Variants in RAB3GAP2 observed in about 807,000 individuals in gnomAD.
RAB3GAP2 encodes RAB3 GTPase activating non-catalytic protein subunit 2, also known as rab3 GTPase-activating protein non-catalytic subunit.
Under a neutral mutation model 185.3 loss-of-function variants are expected in RAB3GAP2, and 87 were observed. The ratio of observed to expected loss-of-function variants is 0.47; its 90% confidence interval spans 0.39 to 0.56. RAB3GAP2 has a LOEUF of 0.56. Among genes scored for constraint, RAB3GAP2 ranks in the 20% least tolerant of loss-of-function variants. RAB3GAP2 has a pLI of 0.00. For missense variants in RAB3GAP2, 1,492 were observed against 1,638.2 expected (o/e 0.91, Z 1.54); for synonymous variants, 554 against 576.1 (o/e 0.96, Z 0.55).
intron 2 of RAB3GAP2, among the ~76,000 whole-genome samples, chr1:220,230,286 A>G (rs1210574985): frequency 6.6e-6 from 1 of 152,198 alleles, no homozygotes; most frequent in African/African-American, 2.4e-5. Flanking sequence ...AAAGAAGGAG[A>G]AATAATCTAA....
chr1:220,189,886 CACATT>C, intron 16 of RAB3GAP2, 119 bp from the exon 17 acceptor site: 1 of 1,090,352 alleles, frequency 9.2e-7, no homozygotes, highest in Non-Finnish European at 1.3e-6. Flanking sequence ...TGGGTTCTCT[CACATT>C]AATGTTTTCT....
At chr1:220,199,096 G>A (rs2102873804) in intron 9 of RAB3GAP2, among the ~76,000 whole-genome samples, 1 of 152,204 alleles carries the variant, frequency 6.6e-6, no homozygotes, top group South Asian at 2.1e-4. Context: ...AGTGTCAGAG[G>A]TACCATAAGC....
At chr1:220,162,341 C>A in intron 27 of RAB3GAP2, 73 bp from the exon 28 acceptor site, 2 of 1,051,958 alleles carry the variant, frequency 1.9e-6, no homozygotes, top group South Asian at 1.3e-5. Flanking sequence ...ATTACTCTTT[C>A]TTAAGCTTAT....
chr1:220,157,620 CAA>C, intron 30 of RAB3GAP2, 132 bp from the exon 31 acceptor site: 2 of 1,083,380 alleles, frequency 1.8e-6, no homozygotes, highest in Non-Finnish European at 2.7e-6. Context: ...TAAAAAAACA[CAA>C]AGTCTAATTT....
chr1:220,248,727 C>A (rs1014817663), intron 1 of RAB3GAP2, among the ~76,000 whole-genome samples: 1 of 151,594 alleles, frequency 6.6e-6, no homozygotes, highest in African/African-American at 2.4e-5. Context: ...CCACCCAAAT[C>A]TCATCTTGAA....
chr1:220,219,249 C>T (rs576391390), intron 2 of RAB3GAP2, among the ~76,000 whole-genome samples: 1 of 152,200 alleles, frequency 6.6e-6, no homozygotes, highest in East Asian at 1.9e-4. Context: ...CTCCTTCTTA[C>T]ACATGTCATA....
chr1:220,157,765 T>C (rs750014189), intron 30 of RAB3GAP2, 37 bp downstream of exon 30: 1 of 1,498,494 alleles, frequency 6.7e-7, no homozygotes. Context: ...TGTAATATCT[T>C]AGGAGCAGTT....
chr1:220,193,145 A>G (rs1658656049), intron 13 of RAB3GAP2, 95 bp downstream of exon 13: 1 of 1,467,070 alleles, frequency 6.8e-7, no homozygotes, highest in East Asian at 2.3e-5. Context: ...AGAATTAAAC[A>G]GAGTTATCAT....
At chr1:220,215,104 C>CATATAATTTATG (rs1421495971) in intron 2 of RAB3GAP2, among the ~76,000 whole-genome samples, 1 of 151,606 alleles carries the variant, frequency 6.6e-6, no homozygotes, top group East Asian at 1.9e-4. Flanking sequence ...ATTTATTTAA[C>CATATAATTTATG]CAGTTCCCGA....
intron 1 of RAB3GAP2, among the ~76,000 whole-genome samples, chr1:220,269,793 C>A (rs888269036): frequency 5.3e-5 from 8 of 152,098 alleles, no homozygotes; most frequent in Non-Finnish European, 8.8e-5. Flanking sequence ...AGAATTATTA[C>A]AGGAAACCAA....
chr1:220,223,825 C>T (rs993447413), intron 2 of RAB3GAP2, among the ~76,000 whole-genome samples: 7 of 151,522 alleles, frequency 4.6e-5, no homozygotes, highest in African/African-American at 1.7e-4. Context: ...TTGGCTAGCC[C>T]TTTAGAAGCA....
At chr1:220,236,355 G>T (rs1037226767) in intron 1 of RAB3GAP2, among the ~76,000 whole-genome samples, 30 of 151,932 alleles carry the variant, frequency 2.0e-4, no homozygotes, top group African/African-American at 7.0e-4. Context: ...TTTTGTATTT[G>T]TAGTAGAGAC....
chr1:220,204,588 A>ATTT (rs149901247), intron 8 of RAB3GAP2, among the ~76,000 whole-genome samples: 2 of 151,656 alleles, frequency 1.3e-5, no homozygotes, highest in East Asian at 3.9e-4. Context: ...ATTTTCACTG[A>ATTT]TTTTTTTTTA....
intron 7 of RAB3GAP2, among the ~76,000 whole-genome samples, chr1:220,208,983 C>T (rs2102879426): frequency 6.6e-6 from 1 of 152,296 alleles, no homozygotes. Context: ...TCCCAAAGTG[C>T]TGGGATTACA....
chr1:220,178,166 C>A (rs774171769), intron 21 of RAB3GAP2, among the ~76,000 whole-genome samples: 10 of 152,106 alleles, frequency 6.6e-5, no homozygotes, highest in Admixed American at 2.0e-4. Context: ...AGGAAAAAAA[C>A]TGCCACCTAA....
rs1366237359 is a variant in RAB3GAP2 at position 220,213,775 on chromosome 1, T to C, written c.304+81A>G. ...GAGAGAAATAAATAAATAAAAAGCA[T>C]TATATTCTTTTCACCTAATCCATTT... On this transcript the variant is annotated intron_variant, in intron 3 of 34. Transcript: ENST00000358951. The C allele has an allele frequency of 3.5e-6, 5 of 1,411,524 alleles. No homozygotes were observed. The African/African-American group carries it at 7.2e-5, about 20-fold the overall frequency. The allele number at this position is 1,411,524 out of a possible 1,614,324, so 87.4% of individuals were successfully genotyped here. A position where few individuals can be genotyped will look rare whatever the true frequency, so the allele number is the denominator to read the frequency against.
chr1:220,267,517 T>G, intron 1 of RAB3GAP2: 1 of 1,405,630 alleles, frequency 7.1e-7, no homozygotes, highest in Non-Finnish European at 1.0e-6. Flanking sequence ...GCGACCAATT[T>G]CAAGGTCTTC....
chr1:220,245,030 G>A (rs1273636044), intron 1 of RAB3GAP2, among the ~76,000 whole-genome samples: 2 of 151,842 alleles, frequency 1.3e-5, no homozygotes, highest in Non-Finnish European at 2.9e-5. Context: ...AGAGTAAACA[G>A]AAAACCCACA....
intron 10 of RAB3GAP2, 23 bp from the exon 11 acceptor site, chr1:220,195,400 G>A: frequency 6.4e-7 from 1 of 1,573,082 alleles, no homozygotes; most frequent in Non-Finnish European, 8.7e-7. Context: ...ACATTTGAAA[G>A]AGAAAACTTA....
Sources: allele counts gnomAD v4.1 joint callset (sites outside exome capture counted in the v4.1 genomes callset), GRCh38; gene constraint gnomAD v4.1.1; transcripts MANE v1.5; gene names NCBI Gene and HGNC (gene_info 2026-07-23, HGNC 2026-07-21).